KIF26B: variants seen among roughly 807,000 people sequenced by gnomAD.
KIF26B encodes the protein kinesin family member 26B.
Under a neutral mutation model 151.2 loss-of-function variants are expected in KIF26B, and 63 were observed. That is an observed-to-expected ratio of 0.42 (90% CI 0.34 to 0.51). The LOEUF (loss-of-function observed/expected upper bound fraction) is 0.51. Among genes scored for constraint, KIF26B ranks in the 20% least tolerant of loss-of-function variants. KIF26B has a pLI of 0.07. For missense variants in KIF26B, 2,813 were observed against 2,913.6 expected, an observed-to-expected ratio of 0.97 and a Z score of 0.79; for synonymous variants, 1,357 against 1,262.1, an observed-to-expected ratio of 1.08 and a Z score of -1.59.
At chr1:245,405,883 T>C (rs141772763) in intron 3 of KIF26B, among the ~76,000 whole-genome samples, 1 of 152,356 alleles carries the variant, frequency 6.6e-6, no homozygotes, top group East Asian at 1.9e-4. Context: ...ACTGGAACCA[T>C]GTAAGCCATT....
At chr1:245,370,001 T>C (rs2103011765) in intron 3 of KIF26B, among the ~76,000 whole-genome samples, 1 of 152,308 alleles carries the variant, frequency 6.6e-6, no homozygotes, top group South Asian at 2.1e-4. Flanking sequence ...CTTTTTTTTG[T>C]TTGCAGTTTT....
chr1:245,399,038 C>A (rs1350543096), intron 3 of KIF26B, among the ~76,000 whole-genome samples: 1 of 151,956 alleles, frequency 6.6e-6, no homozygotes, highest in Non-Finnish European at 1.5e-5. Flanking sequence ...TTGATGAGTA[C>A]CCTTATGGAA....
chr1:245,337,303 C>T (rs1672253952), intron 2 of KIF26B, among the ~76,000 whole-genome samples: 1 of 151,802 alleles, frequency 6.6e-6, no homozygotes, highest in Admixed American at 6.6e-5. Context: ...TCCCAAGTAG[C>T]TGGGATTACA....
intron 4 of KIF26B, among the ~76,000 whole-genome samples, chr1:245,472,293 A>G (rs1659933254): frequency 6.6e-6 from 1 of 152,212 alleles, no homozygotes; most frequent in Non-Finnish European, 1.5e-5. Context: ...GGAATAAATG[A>G]GTGAATGGAT....
intron 10 of KIF26B, among the ~76,000 whole-genome samples, chr1:245,652,271 G>A (rs372874694): frequency 1.1e-4 from 17 of 152,176 alleles, no homozygotes; most frequent in South Asian, 8.3e-4. Flanking sequence ...AGTTTAGAGC[G>A]TTCCCTATTT....
rs534186602 is a variant in KIF26B, at chr1:245,293,655, C to T, written c.466-73179C>T. On this transcript the variant is annotated intron_variant, in intron 2 of 14. Transcript: ENST00000407071. Reference sequence around the variant, plus strand: ...GTGCAATGGCGCAATCTCCACTCACCGCAACTTCCACCTCCCGGGTTCAAG... The same window carrying T: ...GTGCAATGGCGCAATCTCCACTCACTGCAACTTCCACCTCCCGGGTTCAAG... Among the ~76,000 whole-genome samples, 7 of 151,730 alleles carry T rather than the reference C, an allele frequency of 4.6e-5. No homozygotes were observed. The East Asian group carries it at 7.8e-4, about 17-fold the overall frequency.
At chr1:245,679,585 C>T (rs1221687527) in intron 10 of KIF26B, among the ~76,000 whole-genome samples, 3 of 150,604 alleles carry the variant, frequency 2.0e-5, no homozygotes, top group East Asian at 2.0e-4. Context: ...TCTCCTGCCT[C>T]GGCCTCCTGA....
intron 3 of KIF26B, among the ~76,000 whole-genome samples, chr1:245,393,554 C>T (rs745678715): frequency 4.6e-5 from 7 of 152,078 alleles, no homozygotes; most frequent in East Asian, 1.9e-4. Flanking sequence ...GGGAGTGAGA[C>T]GCAGAATAAC....
chr1:245,234,081 G>A (rs568595648), intron 2 of KIF26B, among the ~76,000 whole-genome samples: 17 of 152,056 alleles, frequency 1.1e-4, no homozygotes, highest in African/African-American at 3.9e-4. Flanking sequence ...CTGCTCAGGG[G>A]GCTGAGGCAG....
intron 3 of KIF26B, among the ~76,000 whole-genome samples, chr1:245,411,718 T>C (rs1254251756): frequency 6.6e-6 from 1 of 152,192 alleles, no homozygotes; most frequent in East Asian, 1.9e-4. Flanking sequence ...TACATTTTTA[T>C]AGTCAGCTCC....
intron 2 of KIF26B, among the ~76,000 whole-genome samples, chr1:245,319,816 T>G (rs1252209966): frequency 6.6e-6 from 1 of 152,206 alleles, no homozygotes; most frequent in African/African-American, 2.4e-5. Context: ...AGTGCAGCCA[T>G]GTGGCTTGGA....
intron 2 of KIF26B, among the ~76,000 whole-genome samples, chr1:245,325,555 G>A (rs193035262): frequency 3.9e-5 from 6 of 152,016 alleles, no homozygotes; most frequent in Admixed American, 2.0e-4. Context: ...TCTACTACAA[G>A]TACAAAATTA....
intron 2 of KIF26B, among the ~76,000 whole-genome samples, chr1:245,238,095 G>A (rs922350148): frequency 6.6e-6 from 1 of 151,972 alleles, no homozygotes; most frequent in Non-Finnish European, 1.5e-5. Context: ...CACTTTGGGA[G>A]GCCAAGGCAG....
chr1:245,699,355 A>G (rs976813522), intron 14 of KIF26B, among the ~76,000 whole-genome samples: 32 of 152,162 alleles, frequency 2.1e-4, no homozygotes, highest in African/African-American at 7.2e-4. Context: ...CTGTATTACA[A>G]ATCTCCTAGG....
chr1:245,427,926 A>G (rs559605968), intron 4 of KIF26B, among the ~76,000 whole-genome samples: 1 of 152,238 alleles, frequency 6.6e-6, no homozygotes, highest in Admixed American at 6.5e-5. Flanking sequence ...CCATCTATTC[A>G]CAGAACCAGG....
intron 3 of KIF26B, among the ~76,000 whole-genome samples, chr1:245,373,652 G>A (rs1257937655): frequency 6.6e-6 from 1 of 152,312 alleles, no homozygotes; most frequent in African/African-American, 2.4e-5. Context: ...TGGAATGAAT[G>A]TGAGAGGTAA....
At chr1:245,301,660 C>A (rs142367968) in intron 2 of KIF26B, among the ~76,000 whole-genome samples, 1 of 152,148 alleles carries the variant, frequency 6.6e-6, no homozygotes, top group African/African-American at 2.4e-5. Context: ...CTGAAGCCCG[C>A]ATCAGAGAGC....
chr1:245,248,241 C>T (rs186798310), intron 2 of KIF26B, among the ~76,000 whole-genome samples: 132 of 152,188 alleles, frequency 8.7e-4, no homozygotes, highest in Admixed American at 1.6e-3. Flanking sequence ...TTAGCTGGAA[C>T]GCTGTCTGGA....
chr1:245,391,386 T>C (rs1227718796), intron 3 of KIF26B, among the ~76,000 whole-genome samples: 1 of 152,202 alleles, frequency 6.6e-6, no homozygotes, highest in Non-Finnish European at 1.5e-5. Flanking sequence ...CAAATACTCC[T>C]CCATATTCCA....
Sources: allele counts gnomAD v4.1 joint callset (sites outside exome capture counted in the v4.1 genomes callset), GRCh38; gene constraint gnomAD v4.1.1; transcripts MANE v1.5; gene names NCBI Gene and HGNC (gene_info 2026-07-23, HGNC 2026-07-21).